ROBO1: variants seen among roughly 807,000 people sequenced by gnomAD.
ROBO1 encodes the protein roundabout guidance receptor 1, also known as roundabout homolog 1.
A neutral mutation model predicts 195.9 loss-of-function variants in ROBO1; 149 were observed. The ratio of observed to expected loss-of-function variants is 0.76; its 90% confidence interval spans 0.67 to 0.87. The LOEUF is 0.87. Among genes scored for constraint, ROBO1 ranks in the 40% least tolerant of loss-of-function variants. The pLI, the probability that ROBO1 is intolerant of heterozygous loss-of-function variation, is 0.00. For missense variants in ROBO1, 1,933 were observed against 2,068.3 expected (o/e 0.93, Z 1.27); for synonymous variants, 816 against 733.2 (o/e 1.11, Z -1.82).
chr3:78,862,467 G>C (rs577215604), intron 4 of ROBO1, among the ~76,000 whole-genome samples: 1 of 152,234 alleles, frequency 6.6e-6, no homozygotes, highest in South Asian at 2.1e-4. Context: ...AAAACACCCA[G>C]CTGAACCCGC....
At chr3:78,656,926 CTCTT>C (rs1477949323) in intron 18 of ROBO1, among the ~76,000 whole-genome samples, 168 bp downstream of exon 18, 1 of 152,158 alleles carries the variant, frequency 6.6e-6, no homozygotes, top group Non-Finnish European at 1.5e-5. Context: ...CTCTCTCTCT[CTCTT>C]TCTCTCTCCT....
chr3:78,691,997 T>A (rs2107863169), intron 8 of ROBO1, among the ~76,000 whole-genome samples: 1 of 151,748 alleles, frequency 6.6e-6, no homozygotes, highest in East Asian at 1.9e-4. Context: ...TCTAGTCTAT[T>A]TAGGCATTTT....
chr3:79,584,091 C>T (rs942178810), intron 2 of ROBO1, among the ~76,000 whole-genome samples: 1 of 151,772 alleles, frequency 6.6e-6, no homozygotes, highest in African/African-American at 2.4e-5. Context: ...AAGCTCTCAA[C>T]CTGGCCTTCA....
At chr3:79,717,967 T>A (rs188824958) in intron 1 of ROBO1, among the ~76,000 whole-genome samples, 64 of 152,016 alleles carry the variant, frequency 4.2e-4, no homozygotes, top group Middle Eastern at 3.4e-3. Flanking sequence ...AGGAGCATGA[T>A]CCTTGGAAGG....
At chr3:79,751,430 A>G (rs1704125478) in intron 1 of ROBO1, among the ~76,000 whole-genome samples, 1 of 152,194 alleles carries the variant, frequency 6.6e-6, no homozygotes, top group South Asian at 2.1e-4. Flanking sequence ...TAGAAATTTA[A>G]AAATTCAATA....
At chr3:78,791,076 C>A (rs1042563044) in intron 4 of ROBO1, among the ~76,000 whole-genome samples, 7 of 152,122 alleles carry the variant, frequency 4.6e-5, no homozygotes, top group African/African-American at 1.7e-4. Context: ...GTGGAGGAGA[C>A]ACAGAAAGAC....
chr3:79,124,414 ATG>A (rs1175734845), intron 3 of ROBO1, among the ~76,000 whole-genome samples: 7 of 152,218 alleles, frequency 4.6e-5, no homozygotes, highest in Non-Finnish European at 7.4e-5. Flanking sequence ...AATGATATTT[ATG>A]AAGACTGTGA....
chr3:79,650,657 T>G (rs1312753649), intron 1 of ROBO1, among the ~76,000 whole-genome samples: 2 of 151,754 alleles, frequency 1.3e-5, no homozygotes, highest in Non-Finnish European at 2.9e-5. Context: ...TCTAATACAT[T>G]TTAGGAATAG....
chr3:79,343,381 G>C (rs146239108), intron 2 of ROBO1, among the ~76,000 whole-genome samples: 2 of 152,238 alleles, frequency 1.3e-5, no homozygotes, highest in East Asian at 1.9e-4. Flanking sequence ...CACATGGTAA[G>C]AGTATGTTTA....
chr3:78,783,181 C>T (rs1170958675), intron 4 of ROBO1, among the ~76,000 whole-genome samples: 1 of 151,846 alleles, frequency 6.6e-6, no homozygotes. Context: ...TAGTGTAATC[C>T]TCCCCCATTA....
chr3:79,556,629 T>G (rs981426332), intron 2 of ROBO1, among the ~76,000 whole-genome samples: 1 of 151,984 alleles, frequency 6.6e-6, no homozygotes, highest in African/African-American at 2.4e-5. Context: ...ATTGTATATA[T>G]GTATTATATT....
chr3:79,323,985 G>C (rs1018797425), intron 2 of ROBO1, among the ~76,000 whole-genome samples: 1 of 152,056 alleles, frequency 6.6e-6, no homozygotes, highest in African/African-American at 2.4e-5. Flanking sequence ...CTGCACATGT[G>C]TACCAACTGC....
intron 3 of ROBO1, among the ~76,000 whole-genome samples, chr3:79,042,834 A>G: frequency 6.6e-6 from 1 of 152,190 alleles, no homozygotes; most frequent in South Asian, 2.1e-4. Context: ...ATAAAATTCT[A>G]TAATAAAATC....
chr3:78,781,252 T>C (rs970227371), intron 4 of ROBO1, among the ~76,000 whole-genome samples: 1 of 152,260 alleles, frequency 6.6e-6, no homozygotes, highest in Non-Finnish European at 1.5e-5. Flanking sequence ...AATAGTCAGA[T>C]TTATCACACA....
At chr3:79,693,950 T>C (rs1300702304) in intron 1 of ROBO1, among the ~76,000 whole-genome samples, 5 of 150,380 alleles carry the variant, frequency 3.3e-5, no homozygotes, top group Non-Finnish European at 7.5e-5. Flanking sequence ...ATTCAGACTC[T>C]TTTCCAAGTC....
intron 2 of ROBO1, among the ~76,000 whole-genome samples, chr3:79,348,418 T>G (rs1342854044): frequency 3.9e-5 from 6 of 152,106 alleles, no homozygotes; most frequent in African/African-American, 1.4e-4. Flanking sequence ...ATATGAAGTT[T>G]TATCTTACGG....
intron 3 of ROBO1, among the ~76,000 whole-genome samples, chr3:78,980,952 C>G (rs911754882): frequency 6.6e-5 from 10 of 152,082 alleles, no homozygotes; most frequent in African/African-American, 2.4e-4. Flanking sequence ...TTGTTACATT[C>G]TAAGTCATCA....
chr3:79,309,116 C>T (rs1032081455), intron 2 of ROBO1, among the ~76,000 whole-genome samples: 1 of 151,850 alleles, frequency 6.6e-6, no homozygotes, highest in Admixed American at 6.6e-5. Context: ...TTAAGAATCA[C>T]CTGAAGGTTT....
intron 2 of ROBO1, among the ~76,000 whole-genome samples, chr3:79,462,035 TTA>T (rs1937666962): frequency 6.6e-6 from 1 of 152,172 alleles, no homozygotes; most frequent in Non-Finnish European, 1.5e-5. Flanking sequence ...ATTAAATAAA[TTA>T]TGATATATCA....
Sources: gnomAD v4.1 joint callset for allele counts (sites outside exome capture counted in the v4.1 genomes callset) on GRCh38, gnomAD v4.1.1 for gene constraint, MANE v1.5 for transcripts, NCBI Gene and HGNC (gene_info 2026-07-23, HGNC 2026-07-21) for gene names.